PLXNA4: variants seen among roughly 807,000 people sequenced by gnomAD.
PLXNA4 encodes plexin-A4.
A neutral mutation model predicts 191.8 loss-of-function variants in PLXNA4; 44 were observed. That is an observed-to-expected ratio of 0.23 (90% CI 0.18 to 0.29). The LOEUF (loss-of-function observed/expected upper bound fraction) is 0.29, where lower values mean the gene tolerates loss of function less well. Ranked by LOEUF, PLXNA4 falls within the 10% of genes least tolerant of loss-of-function variation. PLXNA4 has a pLI of 1.00. For synonymous variants in PLXNA4, 1,082 were observed against 1,009.5 expected (o/e 1.07, Z -1.36); for missense variants, 1,800 against 2,488.8 (o/e 0.72, Z 5.89).
At chr7:132,453,757 G>T (rs1796215410) in intron 3 of PLXNA4, among the ~76,000 whole-genome samples, 2 of 152,246 alleles carry the variant, frequency 1.3e-5, no homozygotes, top group South Asian at 4.2e-4. Context: ...GGCCAGGAAG[G>T]TCTCTATCTC....
At chr7:132,486,022 C>T (rs1284239558) in intron 3 of PLXNA4, among the ~76,000 whole-genome samples, 2 of 152,198 alleles carry the variant, frequency 1.3e-5, no homozygotes, top group Non-Finnish European at 2.9e-5. Flanking sequence ...AACACCCTTA[C>T]TCTTAGCATC....
At chr7:132,488,546 C>T (rs760226763) in intron 3 of PLXNA4, among the ~76,000 whole-genome samples, 2 of 152,178 alleles carry the variant, frequency 1.3e-5, no homozygotes, top group Non-Finnish European at 2.9e-5. Flanking sequence ...CTGCCTACCA[C>T]CTTAGAAGGA....
chr7:132,408,178 A>C (rs1471821123), intron 3 of PLXNA4, among the ~76,000 whole-genome samples: 2 of 152,216 alleles, frequency 1.3e-5, no homozygotes, highest in African/African-American at 4.8e-5. Flanking sequence ...AATATTAAGC[A>C]GATGTTTAAA....
At chr7:132,518,045 T>C (rs982405052) in intron 1 of PLXNA4, among the ~76,000 whole-genome samples, 1 of 152,168 alleles carries the variant, frequency 6.6e-6, no homozygotes, top group African/African-American at 2.4e-5. Flanking sequence ...CCATGAATTA[T>C]TTTACAACTT....
At chr7:132,593,326 A>G (rs1414722599) in intron 2 of PLXNA4, among the ~76,000 whole-genome samples, 1 of 151,460 alleles carries the variant, frequency 6.6e-6, no homozygotes, top group Non-Finnish European at 1.5e-5. Flanking sequence ...AAAAAAATCC[A>G]CATAATGGTC....
intron 3 of PLXNA4, among the ~76,000 whole-genome samples, chr7:132,409,386 T>C (rs1329915699): frequency 6.6e-6 from 1 of 152,142 alleles, no homozygotes; most frequent in African/African-American, 2.4e-5. Context: ...CCAAACTCCA[T>C]GGGATTCTTT....
At chr7:132,542,872 C>T (rs1308443826) in intron 1 of PLXNA4, among the ~76,000 whole-genome samples, 2 of 152,068 alleles carry the variant, frequency 1.3e-5, no homozygotes, top group African/African-American at 4.8e-5. Flanking sequence ...TTTATAGTTT[C>T]TAGTTTGCTG....
At position 132,198,478 on chromosome 7, in the gene PLXNA4, C is replaced by T; in HGVS notation, c.2738+7G>A. The T allele has an allele frequency of 3.1e-6, 5 of 1,613,468 alleles. No individual in the cohort carries two copies. Among genetic ancestry groups the T allele is most frequent in the Non-Finnish European group, 4.2e-6 (5 of 1,179,636 alleles). On this transcript the variant is annotated splice_region_variant and intron_variant, in intron 13 of 31. Coordinates refer to ENST00000321063, the MANE Select transcript of PLXNA4 (RefSeq NM_020911.2). Reference sequence around the variant, plus strand: ...GTTCCTCCTGTGTTGCATGCAGCTTCACTTACTGTTCTGCAGGGATGTAAC... The same window carrying T: ...GTTCCTCCTGTGTTGCATGCAGCTTTACTTACTGTTCTGCAGGGATGTAAC...
At chr7:132,253,042 T>C (rs1799309213) in intron 4 of PLXNA4, among the ~76,000 whole-genome samples, 1 of 152,174 alleles carries the variant, frequency 6.6e-6, no homozygotes, top group African/African-American at 2.4e-5. Flanking sequence ...GAATAACTTC[T>C]AGAGAGAGAG....
At chr7:132,615,870 C>CTCTCCCCTCTCCCT (rs1803143759) in intron 2 of PLXNA4, among the ~76,000 whole-genome samples, 2 of 151,584 alleles carry the variant, frequency 1.3e-5, no homozygotes, top group Non-Finnish European at 2.9e-5. Flanking sequence ...CCCCTCTCCT[C>CTCTCCCCTCTCCCT]TCTCCCCTCT....
chr7:132,431,526 A>G (rs1205392234), intron 3 of PLXNA4, among the ~76,000 whole-genome samples: 1 of 152,104 alleles, frequency 6.6e-6, no homozygotes, highest in African/African-American at 2.4e-5. Context: ...GGAGGAAGGG[A>G]GGGGGAAGAC....
rs867294959 is a variant in PLXNA4 at position 132,381,584 on chromosome 7, G to T, written c.1372-83362C>A. Among the ~76,000 whole-genome samples, 4 of 152,292 alleles carry T rather than the reference G, an allele frequency of 2.6e-5. No homozygotes were observed. The South Asian group carries it at 6.2e-4, about 24-fold the overall frequency. ...TATTTAAATTTCAAGTGACATTCCAGTTGCAAGGAACACAGTCTGGAAACA... is the reference window on the plus strand; with the variant it reads ...TATTTAAATTTCAAGTGACATTCCATTTGCAAGGAACACAGTCTGGAAACA... On this transcript the variant is annotated intron_variant, in intron 3 of 31. Transcript: ENST00000321063.
At chr7:132,384,316 T>A (rs1805024646) in intron 3 of PLXNA4, 1 of 985,350 alleles carries the variant, frequency 1.0e-6, no homozygotes, top group Non-Finnish European at 1.2e-6. Flanking sequence ...ACATCTTGCC[T>A]TCATACACTC....
chr7:132,439,494 A>ATACAT (rs1563099521), intron 3 of PLXNA4, among the ~76,000 whole-genome samples: 4 of 151,636 alleles, frequency 2.6e-5, no homozygotes, highest in Non-Finnish European at 4.4e-5. Flanking sequence ...ATATGCATAT[A>ATACAT]TATACATACG....
intron 22 of PLXNA4, among the ~76,000 whole-genome samples, chr7:132,166,068 G>A (rs977567918): frequency 2.0e-5 from 3 of 151,978 alleles, no homozygotes; most frequent in Non-Finnish European, 4.4e-5. Context: ...GTGGTGGCAC[G>A]TGCCTGTAAC....
chr7:132,555,091 C>CA lies in PLXNA4; in HGVS notation c.-87+21330dup, dbSNP rs561669696. Among the ~76,000 whole-genome samples, 67 of 129,588 alleles carry CA rather than the reference C, an allele frequency of 5.2e-4. 1 individual carries two copies. The highest frequency in any genetic ancestry group is 4.5e-3 in the East Asian group (19 of 4,176). The allele number at this position is 129,588 out of a possible 152,430, so 85.0% of individuals were successfully genotyped here. On this transcript the variant is annotated intron_variant, in intron 1 of 31. Transcript: ENST00000321063. ...AACAGTAACCATCACCATGGCCTGG[C>CA]AAAAAAACCACATTATCTAAGATAT...
rs1214014913 is a variant in PLXNA4 at position 132,125,292 on chromosome 7, A to C, written c.*5187T>G. The C allele has an allele frequency of 1.3e-5, 2 of 152,152 alleles. No homozygotes were observed. The highest frequency in any genetic ancestry group is 1.3e-4 in the Admixed American group (2 of 15,262). The allele number at this position is 152,152 out of a possible 1,614,324, so 9.4% of individuals were successfully genotyped here. A position where few individuals can be genotyped will look rare whatever the true frequency, so the allele number is the denominator to read the frequency against. The stretch of plus-strand genomic sequence containing the variant: ...AATGCCTGTAGGGTGAGGTGGCAGG[A>C]GGCGGTAGGAGAAGGACTCCATCTG... On this transcript the variant is annotated 3_prime_UTR_variant, in exon 32 of 32. Coordinates refer to ENST00000321063, the MANE Select transcript of PLXNA4 (RefSeq NM_020911.2).
intron 11 of PLXNA4, 39 bp downstream of exon 11, chr7:132,203,283 CT>C (rs765186460): frequency 2.6e-6 from 4 of 1,563,008 alleles, no homozygotes; most frequent in Non-Finnish European, 3.5e-6. Flanking sequence ...TACCCCATCC[CT>C]TCCCCTCCCT....
In PLXNA4 at chr7:132,303,386, T is replaced by C. The variant is rs186322188; in HGVS notation, c.1372-5164A>G. Among the ~76,000 whole-genome samples, 109 of 150,998 alleles carry C rather than the reference T, an allele frequency of 7.2e-4. 1 individual carries two copies. The highest frequency in any genetic ancestry group is 2.5e-3 in the African/African-American group (102 of 41,160). ...GAGATCAAGACTATCCTGGCCAATA[T>C]GGTGAAACCCTGTCTCTACTAAAAA... On this transcript the variant is annotated intron_variant, in intron 3 of 31. Coordinates refer to ENST00000321063, the MANE Select transcript of PLXNA4 (RefSeq NM_020911.2).
Sources: allele counts gnomAD v4.1 joint callset (sites outside exome capture counted in the v4.1 genomes callset), GRCh38; gene constraint gnomAD v4.1.1; transcripts MANE v1.5; gene names NCBI Gene and HGNC (gene_info 2026-07-23, HGNC 2026-07-21).